Variants in KRT73 observed in about 807,000 individuals in gnomAD.
The protein encoded by KRT73 is keratin 73.
KRT73 carries 44 observed loss-of-function variants against 47.2 expected under a neutral mutation model. The observed-to-expected ratio is 0.93, with a 90% CI of 0.73 to 1.20. The LOEUF (loss-of-function observed/expected upper bound fraction) is 1.20. Among genes scored for constraint, KRT73 ranks in the 50% most tolerant of loss-of-function variants. The pLI, the probability that KRT73 is intolerant of heterozygous loss-of-function variation, is 0.00. For missense variants in KRT73, 713 were observed against 704.5 expected, an observed-to-expected ratio of 1.01 and a Z score of -0.14; for synonymous variants, 285 against 291.3, an observed-to-expected ratio of 0.98 and a Z score of 0.22.
At chr12:52,614,762 T>C in intron 3 of KRT73, 88 bp from the exon 4 acceptor site, 1 of 1,033,660 alleles carries the variant, frequency 9.7e-7, no homozygotes, top group South Asian at 1.6e-5. Flanking sequence ...GGCCCTGCCC[T>C]AGCTAGCTGC....
Position 52,613,823 on chromosome 12 carries a change from G to T in KRT73, c.849C>A (p.Ser283Arg). The change falls in exon 5 of 9, where the codon AGC (serine) becomes AGA (arginine). Residue 283 changes from serine (S) to arginine (R), a missense_variant. By Grantham distance (110) the Ser-to-Arg change is moderately radical. Coordinates refer to ENST00000305748, the MANE Select transcript of KRT73 (RefSeq NM_175068.3). ...CCATGGACAGGATGATGGACGTGTC[G>T]CTGATGTGGGACTGGATCTGAGCAG... ...GETAQIQSHI[S>R]DTSIILSMDN... is the part of the protein sequence containing the mutation. The T allele has an allele frequency of 5.0e-6, 8 of 1,614,114 alleles. No homozygotes were observed. The highest frequency in any genetic ancestry group is 6.8e-6 in the Non-Finnish European group (8 of 1,179,992).
chr12:52,628,722 T>A, the KRT73 span, among the ~76,000 whole-genome samples: 1 of 152,016 alleles, frequency 6.6e-6, no homozygotes, highest in East Asian at 1.9e-4. Context: ...AGGGAGAAGG[T>A]GACTGACACC....
chr12:52,609,279 A>C lies in KRT73; in HGVS notation c.1334T>G (p.Met445Arg). 15 of 1,613,532 alleles carry C rather than the reference A, an allele frequency of 9.3e-6. No individual in the cohort carries two copies. Among genetic ancestry groups the C allele is most frequent in the Non-Finnish European group, 1.3e-5 (15 of 1,179,496 alleles). ...RKLLEGEECRMSGEYTNSVSI... is the reference protein window; with the variant it reads ...RKLLEGEECRRSGEYTNSVSI... Reference sequence around the variant, plus strand: ...CACGGAGTTGGTATATTCTCCGGACATCCTGCAAGAGAGAAAAGCACAGGA... The same window carrying C: ...CACGGAGTTGGTATATTCTCCGGACCTCCTGCAAGAGAGAAAAGCACAGGA... Residue 445 changes from methionine to arginine, a missense_variant and splice_region_variant, in exon 8 of 9, where the codon ATG (methionine) becomes AGG (arginine). Transcript: ENST00000305748.
chr12:52,615,167 C>T (rs768415012), intron 3 of KRT73, 112 bp downstream of exon 3: 132 of 847,098 alleles, frequency 1.6e-4, no homozygotes, highest in Non-Finnish European at 2.3e-4. Context: ...TCTCCTCCTT[C>T]AGCACTTTGG....
At chr12:52,619,565 A>G (rs1047235342), upstream of KRT73, among the ~76,000 whole-genome samples, 3 of 152,138 alleles carry the variant, frequency 2.0e-5, no homozygotes, top group African/African-American at 7.2e-5. Context: ...TCATTCGTCC[A>G]TCTATCCGTC....
chr12:52,611,547 G>A, intron 5 of KRT73: 1 of 567,034 alleles, frequency 1.8e-6, no homozygotes, highest in Non-Finnish European at 3.1e-6. Context: ...TTGGCCATAA[G>A]GACTGTTGAA....
At chr12:52,625,566 AAC>A in the KRT73 span, among the ~76,000 whole-genome samples, 4 of 150,320 alleles carry the variant, frequency 2.7e-5, no homozygotes, top group African/African-American at 5.0e-5. Context: ...CACTCTGGAA[AAC>A]AGTTTAGCAG....
chr12:52,630,233 C>T, the KRT73 span, among the ~76,000 whole-genome samples: 1 of 152,240 alleles, frequency 6.6e-6, no homozygotes, highest in African/African-American at 2.4e-5. Context: ...AATCAATTGC[C>T]TATCATACAG....
At chr12:52,629,183 C>T in the KRT73 span, among the ~76,000 whole-genome samples, 1 of 152,198 alleles carries the variant, frequency 6.6e-6, no homozygotes, top group Non-Finnish European at 1.5e-5. Context: ...GACACAGTGG[C>T]CTGAGAGCTG....
chr12:52,609,286 A>G lies in KRT73; in HGVS notation c.1332-5T>C, dbSNP rs1940646568. ...TTGGTATATTCTCCGGACATCCTGC[A>G]AGAGAGAAAAGCACAGGAGAGTCTG... On this transcript the variant is annotated splice_region_variant and splice_polypyrimidine_tract_variant and intron_variant, in intron 7 of 8. Coordinates refer to ENST00000305748, the MANE Select transcript of KRT73 (RefSeq NM_175068.3). 2 of 1,613,132 alleles carry G rather than the reference A, an allele frequency of 1.2e-6. No homozygotes were observed. The highest frequency in any genetic ancestry group is 2.7e-5 in the African/African-American group (2 of 74,868).
chr12:52,621,299 G>A (rs111998155), upstream of KRT73, among the ~76,000 whole-genome samples: 5 of 145,108 alleles, frequency 3.4e-5, no homozygotes, highest in Admixed American at 1.4e-4. Context: ...AAGGGGGGGG[G>A]GGGGAGAGAG....
intron 5 of KRT73, 100 bp from the exon 6 acceptor site, chr12:52,611,429 T>G (rs558249868): frequency 6.9e-7 from 1 of 1,447,178 alleles, no homozygotes; most frequent in South Asian, 1.3e-5. Context: ...CTGGCAGAGG[T>G]GGGTCCAGGT....
rs375514052 is a variant in KRT73 at position 52,615,243 on chromosome 12, C to G, written c.723+36G>C. On this transcript the variant is annotated intron_variant, in intron 3 of 8. Coordinates refer to ENST00000305748, the MANE Select transcript of KRT73 (RefSeq NM_175068.3). ...CTCTCTCTTAGCCCAGCACCCACTGCTGGGGGACTGAAGGGAACCCATGCA... is the reference window on the plus strand; with the variant it reads ...CTCTCTCTTAGCCCAGCACCCACTGGTGGGGGACTGAAGGGAACCCATGCA... 9.4e-6 allele frequency: 15 copies of G among 1,588,672 alleles called. No individual in the cohort carries two copies. The African/African-American group carries it at 1.2e-4, about 13-fold the overall frequency.
In KRT73 at chr12:52,614,572, G is replaced by A. The variant is rs765881929; in HGVS notation, c.819+7C>T. Reference sequence around the variant, plus strand: ...CAGAGCCAGAGGTGGGGCAGGGGGAGCCTTACCCCCTCGTACAGACACTTG... The same window carrying A: ...CAGAGCCAGAGGTGGGGCAGGGGGAACCTTACCCCCTCGTACAGACACTTG... On this transcript the variant is annotated splice_region_variant and intron_variant, in intron 4 of 8. Coordinates refer to ENST00000305748, the MANE Select transcript of KRT73 (RefSeq NM_175068.3). The A allele has an allele frequency of 1.2e-6, 2 of 1,608,462 alleles. No homozygotes were observed. Among genetic ancestry groups the A allele is most frequent in the East Asian group, 2.2e-5 (1 of 44,816 alleles).
chr12:52,621,291 G>GA (rs796695545), upstream of KRT73, among the ~76,000 whole-genome samples: 11,421 of 44,188 alleles, frequency 0.26, 1,072 homozygotes, highest in African/African-American at 0.43. Context: ...GAGAAAGAAA[G>GA]GGGGGGGGGG....
chr12:52,626,921 CG>C, the KRT73 span, among the ~76,000 whole-genome samples: 1 of 152,196 alleles, frequency 6.6e-6, no homozygotes, highest in Non-Finnish European at 1.5e-5. Context: ...CCACTCTACC[CG>C]GAAGGGCTCT....
At chr12:52,609,323 C>T (rs200352043) in intron 7 of KRT73, 42 bp from the exon 8 acceptor site, 14 of 1,569,806 alleles carry the variant, frequency 8.9e-6, no homozygotes, top group East Asian at 4.5e-5. Flanking sequence ...ATCACGTGGA[C>T]TCCCATAGTG....
Position 52,611,518 on chromosome 12 carries a change from A to G in KRT73, c.985-189T>C, listed in dbSNP as rs930731951. 1.3e-5 allele frequency: 8 copies of G among 623,814 alleles called. No individual in the cohort carries two copies. In the African/African-American group the frequency reaches 1.5e-4, roughly 11 times the overall value. 38.6% of individuals were successfully genotyped at this position (623,814 alleles called of 1,614,324 possible). On this transcript the variant is annotated intron_variant, in intron 5 of 8. Transcript: ENST00000305748. ...CATTTGCTTGCCTTAAGCACAGCTG[A>G]TCTCATGGATGGTTAGAATTGGCCA...
At chr12:52,614,881 G>A in intron 3 of KRT73, 1 of 559,362 alleles carries the variant, frequency 1.8e-6, no homozygotes. Flanking sequence ...AACTCCTTCT[G>A]CCTCTATTTC....
Sources: allele counts gnomAD v4.1 joint callset (sites outside exome capture counted in the v4.1 genomes callset), GRCh38; gene constraint gnomAD v4.1.1; transcripts MANE v1.5; gene names NCBI Gene and HGNC (gene_info 2026-07-23, HGNC 2026-07-21).